Variants in PTK2B observed in about 807,000 individuals in gnomAD.
PTK2B encodes the protein protein-tyrosine kinase 2-beta.
Under a neutral mutation model 142.9 loss-of-function variants are expected in PTK2B, and 71 were observed. That is an observed-to-expected ratio of 0.50 (90% CI 0.41 to 0.61). The LOEUF is 0.61. PTK2B is among the 20% of genes least tolerant of loss of function. PTK2B has a pLI of 0.00. For synonymous variants in PTK2B, 519 were observed against 503.4 expected, an observed-to-expected ratio of 1.03 and a Z score of -0.42; for missense variants, 1,105 against 1,320.4, an observed-to-expected ratio of 0.84 and a Z score of 2.53.
chr8:27,394,115 G>A (rs1203142375), intron 1 of PTK2B, among the ~76,000 whole-genome samples: 1 of 152,162 alleles, frequency 6.6e-6, no homozygotes, highest in Non-Finnish European at 1.5e-5. Flanking sequence ...GAATACTGCA[G>A]GTAATTATAA....
chr8:27,450,992 G>A (rs1379805135), intron 25 of PTK2B, 51 bp from the exon 26 acceptor site: 17 of 1,609,880 alleles, frequency 1.1e-5, no homozygotes, highest in Non-Finnish European at 1.4e-5. Flanking sequence ...CATTCTTGGT[G>A]CTTTCAGCTC....
rs1811436138 is a variant in PTK2B at position 27,445,829 on chromosome 8, C to T, written c.2250C>T (p.Leu750=). 6.2e-7 allele frequency: 1 copy of T among 1,614,004 alleles called. No individual in the cohort carries two copies. Among genetic ancestry groups the T allele is most frequent in the East Asian group, 2.2e-5 (1 of 44,896 alleles). ...PEGLCASSPT[L]TSPMEYPSPV... ...GTCTGTGTGCCAGCTCTCCTACGCTCACCAGCCCTATGGAGTATCCATCTC... is the reference window on the plus strand; with the variant it reads ...GTCTGTGTGCCAGCTCTCCTACGCTTACCAGCCCTATGGAGTATCCATCTC... The change falls in exon 24 of 31, where the codon CTC becomes CTT. Residue 750 remains leucine, a synonymous_variant. Coordinates refer to ENST00000346049, the MANE Select transcript of PTK2B (RefSeq NM_173176.3).
intron 1 of PTK2B, among the ~76,000 whole-genome samples, chr8:27,365,676 T>C (rs1586169216): frequency 6.6e-6 from 1 of 152,300 alleles, no homozygotes; most frequent in South Asian, 2.1e-4. Flanking sequence ...TTAAATGAGT[T>C]AACATTTGTC....
chr8:27,437,926 C>T, intron 18 of PTK2B, 46 bp downstream of exon 18: 1 of 1,497,712 alleles, frequency 6.7e-7, no homozygotes, highest in South Asian at 1.2e-5. Context: ...CAGGCCTTCA[C>T]CAGATCCTCA....
chr8:27,438,917 C>T lies in PTK2B; in HGVS notation c.1644-114C>T, dbSNP rs1163083763. ...AGCTGCCCGATTCTGCTCTGGAGTC[C>T]GAGTCCCTGGCTTAGATTCTTGGTC... On this transcript the variant is annotated intron_variant, in intron 18 of 30. Transcript: ENST00000346049. 3.9e-5 allele frequency: 38 copies of T among 982,826 alleles called. 1 individual carries two copies. Among genetic ancestry groups the T allele is most frequent in the South Asian group, 3.4e-4 (23 of 67,152 alleles). 60.9% of individuals were successfully genotyped at this position (982,826 alleles called of 1,614,324 possible).
At chr8:27,337,310 A>G (rs1447660569) in intron 1 of PTK2B, among the ~76,000 whole-genome samples, 1 of 151,828 alleles carries the variant, frequency 6.6e-6, no homozygotes, top group African/African-American at 2.4e-5. Flanking sequence ...TAGTTTTTGT[A>G]TTTTTTAGTA....
intron 12 of PTK2B, 31 bp downstream of exon 12, chr8:27,434,163 C>A (rs1810624171): frequency 1.2e-6 from 2 of 1,609,586 alleles, no homozygotes; most frequent in Non-Finnish European, 1.7e-6. Context: ...AGGACAGGGC[C>A]CTGAGCTCAG....
chr8:27,374,911 C>T (rs1806577232), intron 1 of PTK2B, among the ~76,000 whole-genome samples: 1 of 152,224 alleles, frequency 6.6e-6, no homozygotes, highest in South Asian at 2.1e-4. Flanking sequence ...GTCTGCAATT[C>T]CTTTCAGCCT....
At chr8:27,355,811 C>T (rs1586149686) in intron 1 of PTK2B, among the ~76,000 whole-genome samples, 1 of 152,274 alleles carries the variant, frequency 6.6e-6, no homozygotes, top group East Asian at 1.9e-4. Context: ...ATCACAAGGT[C>T]AGGAGTTTGA....
intron 1 of PTK2B, among the ~76,000 whole-genome samples, chr8:27,375,335 A>G (rs1806600497): frequency 6.6e-6 from 1 of 152,180 alleles, no homozygotes; most frequent in Non-Finnish European, 1.5e-5. Flanking sequence ...GTAGCCTGGG[A>G]TGAGGAGACC....
chr8:27,435,804 G>A lies in PTK2B; in HGVS notation c.1243+11G>A, dbSNP rs567731245. On this transcript the variant is annotated intron_variant, in intron 14 of 30. Transcript: ENST00000346049. ...TGCGAAGGCCCGGAGGTAGGTTCTCGACCCCGCCACAGCGACCGTAGTCAA... is the reference window on the plus strand; with the variant it reads ...TGCGAAGGCCCGGAGGTAGGTTCTCAACCCCGCCACAGCGACCGTAGTCAA... 1.2e-5 allele frequency: 20 copies of A among 1,613,414 alleles called. No homozygotes were observed. Among genetic ancestry groups the A allele is most frequent in the Admixed American group, 1.2e-4 (7 of 60,028 alleles).
At chr8:27,431,097 A>C in intron 8 of PTK2B, 81 bp downstream of exon 8, 1 of 1,545,818 alleles carries the variant, frequency 6.5e-7, no homozygotes, top group East Asian at 2.3e-5. Flanking sequence ...GGGCAGGGAG[A>C]GGCTGCAATC....
At chr8:27,457,575 A>G (rs1387611847) in intron 30 of PTK2B, among the ~76,000 whole-genome samples, 1 of 152,240 alleles carries the variant, frequency 6.6e-6, no homozygotes, top group Non-Finnish European at 1.5e-5. Flanking sequence ...TTACCATTCT[A>G]GATAATATTA....
At chr8:27,431,956 G>A (rs1810455091) in intron 9 of PTK2B, 1 of 326,790 alleles carries the variant, frequency 3.1e-6, no homozygotes, top group Non-Finnish European at 5.7e-6. Context: ...CCACAAATTC[G>A]TAAACTTTCT....
intron 1 of PTK2B, among the ~76,000 whole-genome samples, chr8:27,340,669 C>A (rs1343087261): frequency 6.6e-6 from 1 of 152,224 alleles, no homozygotes; most frequent in South Asian, 2.1e-4. Flanking sequence ...GCTCTTGCAC[C>A]AAGCATGGAG....
chr8:27,376,403 T>C (rs766064260), intron 1 of PTK2B, among the ~76,000 whole-genome samples: 4 of 152,230 alleles, frequency 2.6e-5, no homozygotes, highest in Non-Finnish European at 5.9e-5. Flanking sequence ...CAGGTGGGCC[T>C]GGACTGGAAT....
chr8:27,348,518 C>T (rs528235604), intron 1 of PTK2B, among the ~76,000 whole-genome samples: 148 of 152,230 alleles, frequency 9.7e-4, no homozygotes, highest in Non-Finnish European at 1.2e-3. Flanking sequence ...GCTTAGCAAC[C>T]GGTAAGGGAA....
chr8:27,371,688 C>T (rs1806371017), intron 1 of PTK2B, among the ~76,000 whole-genome samples: 1 of 152,078 alleles, frequency 6.6e-6, no homozygotes, highest in Non-Finnish European at 1.5e-5. Flanking sequence ...GCTGGTATTA[C>T]AGGCATGCAC....
At chr8:27,347,490 A>G (rs375317593) in intron 1 of PTK2B, among the ~76,000 whole-genome samples, 25 of 151,870 alleles carry the variant, frequency 1.6e-4, no homozygotes, top group Admixed American at 9.2e-4. Flanking sequence ...GGAGGCTGGA[A>G]GTCCAACATC....
Sources: gnomAD v4.1 joint callset for allele counts (sites outside exome capture counted in the v4.1 genomes callset) on GRCh38, gnomAD v4.1.1 for gene constraint, MANE v1.5 for transcripts, NCBI Gene and HGNC (gene_info 2026-07-23, HGNC 2026-07-21) for gene names.